TRIM5: variants seen among roughly 807,000 people sequenced by gnomAD.
TRIM5 encodes the protein tripartite motif containing 5.
TRIM5 carries 31 observed loss-of-function variants against 35.6 expected under a neutral mutation model. The ratio of observed to expected loss-of-function variants is 0.87; its 90% confidence interval spans 0.65 to 1.18. TRIM5 has a LOEUF of 1.18. TRIM5 is among the 50% of genes most tolerant of loss of function. TRIM5 has a pLI of 0.00. For synonymous variants in TRIM5, 243 were observed against 215.6 expected, an observed-to-expected ratio of 1.13 and a Z score of -1.11; for missense variants, 609 against 591.6, an observed-to-expected ratio of 1.03 and a Z score of -0.31.
chr11:5,624,775 A>G, the TRIM5 span: 2 of 152,264 alleles, frequency 1.3e-5, no homozygotes, highest in Admixed American at 6.5e-5. Flanking sequence ...TGTGCCATCT[A>G]GTGCAAATCC....
chr11:5,676,776 C>T (rs1314850533), intron 4 of TRIM5, among the ~76,000 whole-genome samples: 1 of 151,008 alleles, frequency 6.6e-6, no homozygotes, highest in African/African-American at 2.4e-5. Flanking sequence ...TGGAACAGAA[C>T]AGAGCCCTCA....
At chr11:5,611,385 C>G in the TRIM5 span, 1 of 1,409,586 alleles carries the variant, frequency 7.1e-7, no homozygotes, top group South Asian at 1.3e-5. Flanking sequence ...TACCCTGAGG[C>G]TTATCAGCAT....
the TRIM5 span, chr11:5,597,065 G>T: frequency 6.6e-6 from 6 of 911,850 alleles, no homozygotes; most frequent in Non-Finnish European, 9.5e-6. Flanking sequence ...TGAGGTTAGA[G>T]ACATTTTAAT....
At chr11:5,653,547 A>G in the TRIM5 span, among the ~76,000 whole-genome samples, 2,208 of 145,096 alleles carry the variant, frequency 0.015, 71 homozygotes, top group African/African-American at 0.054. Flanking sequence ...GCTGGAGTGC[A>G]GTGGAGTGAT....
the TRIM5 span, chr11:5,632,103 G>T: frequency 9.5e-7 from 1 of 1,049,902 alleles, no homozygotes; most frequent in Non-Finnish European, 1.3e-6. Flanking sequence ...GGCATTAACA[G>T]CTCGCCCAGA....
chr11:5,594,947 C>T, the TRIM5 span, among the ~76,000 whole-genome samples: 1 of 152,114 alleles, frequency 6.6e-6, no homozygotes, highest in Admixed American at 6.5e-5. Flanking sequence ...TACCTAAAAC[C>T]GTTGTGAAGA....
At chr11:5,614,685 A>G in the TRIM5 span, among the ~76,000 whole-genome samples, 4 of 152,222 alleles carry the variant, frequency 2.6e-5, no homozygotes, top group Non-Finnish European at 5.9e-5. Context: ...AGTTCTAGAC[A>G]TGTGGTATAG....
chr11:5,600,525 A>G, the TRIM5 span, among the ~76,000 whole-genome samples: 147,327 of 152,212 alleles, frequency 0.97, 71,475 homozygotes, highest in Middle Eastern at 1. Context: ...TTATGCTTAC[A>G]TCCCATGACT....
At chr11:5,619,097 T>C in the TRIM5 span, among the ~76,000 whole-genome samples, 1 of 152,140 alleles carries the variant, frequency 6.6e-6, no homozygotes, top group African/African-American at 2.4e-5. Flanking sequence ...ACGACCAGCT[T>C]TGTGTATGTA....
At chr11:5,607,009 C>T in the TRIM5 span, among the ~76,000 whole-genome samples, 35 of 152,268 alleles carry the variant, frequency 2.3e-4, no homozygotes, top group African/African-American at 8.4e-4. Context: ...TGAGACCATC[C>T]TGGCTAACAC....
At chr11:5,616,108 G>C in the TRIM5 span, among the ~76,000 whole-genome samples, 1 of 149,448 alleles carries the variant, frequency 6.7e-6, no homozygotes, top group African/African-American at 2.5e-5. Flanking sequence ...CCACCACCAC[G>C]CCCGGCTAAT....
the TRIM5 span, among the ~76,000 whole-genome samples, chr11:5,597,108 A>G: frequency 6.6e-6 from 1 of 152,216 alleles, no homozygotes; most frequent in East Asian, 1.9e-4. Flanking sequence ...ATGTGTGGTT[A>G]GGAGCATAGA....
At chr11:5,617,917 C>G in the TRIM5 span, among the ~76,000 whole-genome samples, 1 of 152,066 alleles carries the variant, frequency 6.6e-6, no homozygotes, top group Non-Finnish European at 1.5e-5. Context: ...TATGAAGTGG[C>G]AGAATTGACC....
chr11:5,616,114 C>G, the TRIM5 span, among the ~76,000 whole-genome samples: 1 of 150,132 alleles, frequency 6.7e-6, no homozygotes, highest in Non-Finnish European at 1.5e-5. Context: ...CCACGCCCGG[C>G]TAATTTTTTT....
the TRIM5 span, among the ~76,000 whole-genome samples, chr11:5,600,217 G>A: frequency 0.011 from 1,617 of 152,194 alleles, 33 homozygotes; most frequent in African/African-American, 0.037. Flanking sequence ...ATTCAACACC[G>A]GCCCCGCCAC....
the TRIM5 span, chr11:5,625,040 G>A: frequency 2.0e-5 from 3 of 152,348 alleles, no homozygotes; most frequent in Non-Finnish European, 2.9e-5. Context: ...ACCAGGAGCC[G>A]AGATTTCTGT....
the TRIM5 span, chr11:5,596,540 CCTTCCCCCT>C: frequency 1.6e-5 from 1 of 64,246 alleles, no homozygotes; most frequent in Admixed American, 1.7e-4. Context: ...CCCCCTTCCC[CCTTCCCCCT>C]TCCCCCTTCC....
At chr11:5,645,097 T>C in the TRIM5 span, among the ~76,000 whole-genome samples, 2 of 152,214 alleles carry the variant, frequency 1.3e-5, no homozygotes, top group Non-Finnish European at 2.9e-5. Flanking sequence ...GCTGGGTGCC[T>C]TGGCTCATGC....
intron 1 of TRIM5, among the ~76,000 whole-genome samples, chr11:5,681,806 T>G (rs1852481174): frequency 6.6e-6 from 1 of 152,200 alleles, no homozygotes; most frequent in Non-Finnish European, 1.5e-5. Flanking sequence ...TAATATTTTT[T>G]TTTCTTTTTT....
Sources: allele counts gnomAD v4.1 joint callset (sites outside exome capture counted in the v4.1 genomes callset), GRCh38; gene constraint gnomAD v4.1.1; transcripts MANE v1.5; gene names NCBI Gene and HGNC (gene_info 2026-07-23, HGNC 2026-07-21).